The following EXOC4 variants were observed in gnomAD, a reference collection of about 807,000 sequenced individuals.
EXOC4 encodes SEC8-like 1.
A neutral mutation model predicts 107.2 loss-of-function variants in EXOC4; 71 were observed. The observed-to-expected ratio is 0.66, with a 90% CI of 0.55 to 0.81. The LOEUF is 0.81. Among genes scored for constraint, EXOC4 ranks in the 30% least tolerant of loss-of-function variants. The pLI, the probability that EXOC4 is intolerant of heterozygous loss-of-function variation, is 0.00. For synonymous variants in EXOC4, 456 were observed against 441.2 expected (o/e 1.03, Z -0.42); for missense variants, 1,108 against 1,189.6 (o/e 0.93, Z 1.01).
intron 6 of EXOC4, among the ~76,000 whole-genome samples, chr7:133,366,243 G>C (rs1469271731): frequency 6.6e-6 from 1 of 152,124 alleles, no homozygotes; most frequent in Non-Finnish European, 1.5e-5. Flanking sequence ...AACTGTGACT[G>C]TTCCTTAATA....
intron 14 of EXOC4, among the ~76,000 whole-genome samples, chr7:133,939,407 C>T (rs1051895397): frequency 2.6e-5 from 4 of 152,122 alleles, no homozygotes; most frequent in African/African-American, 9.7e-5. Flanking sequence ...TCCCAAGGGC[C>T]AATGCAGGGT....
intron 11 of EXOC4, among the ~76,000 whole-genome samples, chr7:133,841,090 G>A (rs1290935946): frequency 1.3e-5 from 2 of 152,154 alleles, no homozygotes; most frequent in Non-Finnish European, 2.9e-5. Flanking sequence ...CAGATTTGGT[G>A]TCTGATGAGG....
chr7:133,714,097 G>A (rs1374401831), intron 10 of EXOC4, among the ~76,000 whole-genome samples: 1 of 152,088 alleles, frequency 6.6e-6, no homozygotes, highest in Non-Finnish European at 1.5e-5. Context: ...ACCAGCATCA[G>A]TACTAGGTAG....
intron 10 of EXOC4, among the ~76,000 whole-genome samples, chr7:133,663,031 ACC>A (rs1284816415): frequency 1.3e-5 from 2 of 151,898 alleles, no homozygotes; most frequent in East Asian, 3.9e-4. Flanking sequence ...GACAAATGCA[ACC>A]CCCAGTTTTC....
At chr7:133,259,415 C>T (rs1300660936) in intron 1 of EXOC4, among the ~76,000 whole-genome samples, 3 of 151,792 alleles carry the variant, frequency 2.0e-5, no homozygotes, top group Non-Finnish European at 2.9e-5. Context: ...TTAGTAGAGA[C>T]AGGGTTTCAC....
At chr7:133,314,776 T>C (rs1412080887) in intron 4 of EXOC4, among the ~76,000 whole-genome samples, 2 of 152,228 alleles carry the variant, frequency 1.3e-5, no homozygotes, top group African/African-American at 2.4e-5. Flanking sequence ...TCCTGCTGAT[T>C]GATACCTTAA....
intron 13 of EXOC4, among the ~76,000 whole-genome samples, chr7:133,919,254 G>C (rs1179512794): frequency 1.3e-5 from 2 of 152,026 alleles, no homozygotes; most frequent in African/African-American, 4.8e-5. Flanking sequence ...AGAAAAACTT[G>C]AACAAAAAGT....
intron 9 of EXOC4, among the ~76,000 whole-genome samples, chr7:133,531,117 G>C (rs189924168): frequency 2.0e-5 from 3 of 151,872 alleles, no homozygotes; most frequent in African/African-American, 7.2e-5. Context: ...TGTAGGAAAA[G>C]GATAAAATAA....
intron 13 of EXOC4, among the ~76,000 whole-genome samples, chr7:133,921,303 A>T (rs1799930231): frequency 1.3e-5 from 2 of 152,218 alleles, no homozygotes; most frequent in South Asian, 4.1e-4. Flanking sequence ...GGATTGGATG[A>T]TACCCATCCA....
intron 11 of EXOC4, among the ~76,000 whole-genome samples, chr7:133,841,273 G>A (rs1170352346): frequency 6.6e-6 from 1 of 152,146 alleles, no homozygotes; most frequent in Non-Finnish European, 1.5e-5. Context: ...TCCTCATACT[G>A]TCACCTTGGG....
intron 4 of EXOC4, among the ~76,000 whole-genome samples, chr7:133,315,881 G>C (rs1459154091): frequency 4.6e-5 from 7 of 152,168 alleles, no homozygotes; most frequent in Admixed American, 3.9e-4. Flanking sequence ...TTAGCACTGA[G>C]CACAGTGCCA....
chr7:133,514,538 A>G (rs1431898645), intron 9 of EXOC4, among the ~76,000 whole-genome samples: 1 of 152,172 alleles, frequency 6.6e-6, no homozygotes, highest in Non-Finnish European at 1.5e-5. Flanking sequence ...CCTGGAATGA[A>G]TGTTTTAGAA....
chr7:133,879,857 A>C (rs113526565), intron 11 of EXOC4, among the ~76,000 whole-genome samples: 1 of 152,168 alleles, frequency 6.6e-6, no homozygotes, highest in Non-Finnish European at 1.5e-5. Flanking sequence ...GAGCTCTGCT[A>C]CCAAATACAC....
chr7:133,811,390 A>C (rs1797227591), intron 10 of EXOC4, among the ~76,000 whole-genome samples: 1 of 152,154 alleles, frequency 6.6e-6, no homozygotes, highest in Admixed American at 6.5e-5. Context: ...ATTCTCTTCT[A>C]TACCCTTGAC....
At position 133,462,677 on chromosome 7, in the gene EXOC4, A is replaced by T. The variant is rs922210735; in HGVS notation, c.1183-12651A>T. Among the ~76,000 whole-genome samples, 16 of 152,244 alleles carry T rather than the reference A, an allele frequency of 1.1e-4. 1 individual carries two copies. Among genetic ancestry groups the T allele is most frequent in the Admixed American group, 1.3e-4 (2 of 15,292 alleles). ...ATCTCATACCCCAAGCTTTAAAAAAATTTTTTATATTTTTCCCTGGTACCT... is the reference window on the plus strand; with the variant it reads ...ATCTCATACCCCAAGCTTTAAAAAATTTTTTTATATTTTTCCCTGGTACCT... On this transcript the variant is annotated intron_variant, in intron 7 of 17. Transcript: ENST00000253861.
chr7:134,058,119 T>C (rs1157538286), intron 17 of EXOC4, among the ~76,000 whole-genome samples: 1 of 152,212 alleles, frequency 6.6e-6, no homozygotes, highest in Non-Finnish European at 1.5e-5. Context: ...AGTTCACTGC[T>C]TCACTTGACA....
intron 5 of EXOC4, among the ~76,000 whole-genome samples, chr7:133,326,209 C>T (rs897535392): frequency 5.3e-5 from 8 of 152,184 alleles, no homozygotes; most frequent in Non-Finnish European, 8.8e-5. Context: ...TCTCTAAACT[C>T]GTCAAAGTCA....
intron 12 of EXOC4, among the ~76,000 whole-genome samples, chr7:133,912,869 C>T (rs1035897973): frequency 6.6e-6 from 1 of 152,114 alleles, no homozygotes; most frequent in African/African-American, 2.4e-5. Context: ...TGCTTGGGTC[C>T]CGCAGCCCAG....
At chr7:133,828,389 C>T (rs1046580123) in intron 11 of EXOC4, among the ~76,000 whole-genome samples, 6 of 152,014 alleles carry the variant, frequency 3.9e-5, no homozygotes, top group African/African-American at 7.2e-5. Flanking sequence ...GCTGATCGTG[C>T]GAGATTACTA....
Sources: gnomAD v4.1 joint callset for allele counts (sites outside exome capture counted in the v4.1 genomes callset) on GRCh38, gnomAD v4.1.1 for gene constraint, MANE v1.5 for transcripts, NCBI Gene and HGNC (gene_info 2026-07-23, HGNC 2026-07-21) for gene names.